The following GRM7 variants were observed in gnomAD, a reference collection of about 807,000 sequenced individuals.
The protein encoded by GRM7 is metabotropic glutamate receptor 7.
A neutral mutation model predicts 84.5 loss-of-function variants in GRM7; 35 were observed. That is an observed-to-expected ratio of 0.41 (90% CI 0.32 to 0.55). The LOEUF is 0.55. Ranked by LOEUF, GRM7 falls within the 20% of genes least tolerant of loss-of-function variation. The probability of loss-of-function intolerance (pLI) is 0.19; values close to 1 mark genes in which losing one functional copy is unlikely to be tolerated. For synonymous variants in GRM7, 487 were observed against 455.1 expected (o/e 1.07, Z -0.89); for missense variants, 1,003 against 1,194.6 (o/e 0.84, Z 2.36).
chr3:6,961,475 A>T (rs1241284893), intron 1 of GRM7, among the ~76,000 whole-genome samples: 1 of 152,134 alleles, frequency 6.6e-6, no homozygotes, highest in Non-Finnish European at 1.5e-5. Context: ...GGCTTGAGAA[A>T]AATGCACAAG....
intron 5 of GRM7, among the ~76,000 whole-genome samples, chr3:7,438,837 T>C (rs1697166352): frequency 6.6e-6 from 1 of 152,006 alleles, no homozygotes; most frequent in African/African-American, 2.4e-5. Context: ...ACACACAATA[T>C]ATACAGCACA....
At chr3:7,036,759 GT>G (rs1480499477) in intron 1 of GRM7, among the ~76,000 whole-genome samples, 1 of 150,856 alleles carries the variant, frequency 6.6e-6, no homozygotes, top group Non-Finnish European at 1.5e-5. Context: ...TAAAGCACTG[GT>G]TTTCTAAAAA....
intron 2 of GRM7, among the ~76,000 whole-genome samples, chr3:7,149,705 A>G (rs1181178196): frequency 3.9e-5 from 6 of 152,184 alleles, no homozygotes; most frequent in Non-Finnish European, 8.8e-5. Context: ...ATTTTGACAC[A>G]TGCTTTAACT....
chr3:7,256,048 G>T (rs1231554311), intron 2 of GRM7, among the ~76,000 whole-genome samples: 1 of 151,990 alleles, frequency 6.6e-6, no homozygotes, highest in Non-Finnish European at 1.5e-5. Context: ...TCACCCCTCT[G>T]CCCCTTATTT....
chr3:7,167,569 A>G (rs907226593), intron 2 of GRM7, among the ~76,000 whole-genome samples: 9 of 152,186 alleles, frequency 5.9e-5, no homozygotes, highest in Non-Finnish European at 1.2e-4. Flanking sequence ...CAAAATCAAA[A>G]TACATCAGAT....
chr3:7,299,611 A>G (rs906675842), intron 3 of GRM7, among the ~76,000 whole-genome samples: 24 of 152,102 alleles, frequency 1.6e-4, no homozygotes, highest in African/African-American at 5.6e-4. Context: ...CCTTGTGGAG[A>G]TATTCTGTAT....
chr3:7,028,803 C>T (rs1696074792), intron 1 of GRM7, among the ~76,000 whole-genome samples: 1 of 152,240 alleles, frequency 6.6e-6, no homozygotes, highest in Admixed American at 6.5e-5. Context: ...CTGACCACAC[C>T]AAGTGTTTAC....
chr3:7,628,698 C>T (rs1035877270), intron 8 of GRM7, among the ~76,000 whole-genome samples: 5 of 152,038 alleles, frequency 3.3e-5, no homozygotes, highest in Non-Finnish European at 5.9e-5. Context: ...GAGTCATCTC[C>T]GAGAATAGGT....
At chr3:6,949,433 T>C (rs1355732434) in intron 1 of GRM7, among the ~76,000 whole-genome samples, 1 of 152,200 alleles carries the variant, frequency 6.6e-6, no homozygotes, top group East Asian at 1.9e-4. Flanking sequence ...CTGCTGTTAG[T>C]CTGATGGGCT....
chr3:7,477,722 C>T (rs920796921), intron 7 of GRM7, among the ~76,000 whole-genome samples: 1 of 152,106 alleles, frequency 6.6e-6, no homozygotes. Flanking sequence ...TTTGAAATAT[C>T]ATTTGAATGT....
chr3:7,655,547 C>G (rs546900084), intron 8 of GRM7, among the ~76,000 whole-genome samples: 1 of 152,352 alleles, frequency 6.6e-6, no homozygotes, highest in East Asian at 1.9e-4. Context: ...ATCCACTATA[C>G]TGGCCAGCCT....
chr3:6,884,163 T>C (rs780884363), intron 1 of GRM7: 3 of 152,594 alleles, frequency 2.0e-5, no homozygotes, highest in Non-Finnish European at 4.4e-5. Flanking sequence ...TTAGAAAAAA[T>C]GAAATTATAT....
At chr3:6,962,330 A>T (rs1159453114) in intron 1 of GRM7, among the ~76,000 whole-genome samples, 1 of 152,232 alleles carries the variant, frequency 6.6e-6, no homozygotes, top group South Asian at 2.1e-4. Flanking sequence ...ATCTGAGGAA[A>T]TTATATCTAC....
chr3:7,370,769 G>C (rs17047226), intron 4 of GRM7, among the ~76,000 whole-genome samples: 2,391 of 152,120 alleles, frequency 0.016, 59 homozygotes, highest in African/African-American at 0.055. Flanking sequence ...TCAGTGTCAG[G>C]GTTGGTACTT....
chr3:7,631,407 T>C lies in GRM7; in HGVS notation c.2452-48642T>C, dbSNP rs74454505. 5.5e-3 allele frequency among the ~76,000 whole-genome samples: 832 copies of C among 152,288 alleles called. 14 individuals are homozygous for C. The highest frequency in any genetic ancestry group is 0.019 in the African/African-American group (783 of 41,562). ...CAGGAGAATGGAAGCCATGGTGGAC[T>C]CTGAGGCCCCTAGAGATCCTTGAGA... On this transcript the variant is annotated intron_variant, in intron 8 of 9. Coordinates refer to ENST00000357716, the MANE Select transcript of GRM7 (RefSeq NM_000844.4).
intron 4 of GRM7, among the ~76,000 whole-genome samples, chr3:7,408,725 TCCTGAGAGCGCAGCACATGG>T (rs1232407145): frequency 1.3e-5 from 2 of 152,140 alleles, no homozygotes; most frequent in South Asian, 2.1e-4. Flanking sequence ...GCGGAACATG[TCCTGAGAGCGCAGCACATGG>T]CATAGAGTCG....
intron 2 of GRM7, among the ~76,000 whole-genome samples, chr3:7,211,116 A>G (rs1696411457): frequency 6.6e-6 from 1 of 152,220 alleles, no homozygotes; most frequent in Non-Finnish European, 1.5e-5. Flanking sequence ...GATATTTGGC[A>G]TATCTTTAAA....
At chr3:7,475,399 A>G (rs1698881172) in intron 7 of GRM7, among the ~76,000 whole-genome samples, 1 of 152,200 alleles carries the variant, frequency 6.6e-6, no homozygotes, top group Non-Finnish European at 1.5e-5. Context: ...ATGCTTCAAT[A>G]AGAAGCTATC....
chr3:7,465,741 A>G (rs1698436780), intron 7 of GRM7, among the ~76,000 whole-genome samples: 1 of 151,824 alleles, frequency 6.6e-6, no homozygotes, highest in Non-Finnish European at 1.5e-5. Context: ...AGCAAATGAA[A>G]TTTTCGAGGG....
Sources: allele counts gnomAD v4.1 joint callset (sites outside exome capture counted in the v4.1 genomes callset), GRCh38; gene constraint gnomAD v4.1.1; transcripts MANE v1.5; gene names NCBI Gene and HGNC (gene_info 2026-07-23, HGNC 2026-07-21).